The following KCNH7 variants were observed in gnomAD, a reference collection of about 807,000 sequenced individuals.
KCNH7 encodes potassium voltage-gated channel subfamily H member 7, also known as voltage-gated inwardly rectifying potassium channel KCNH7.
A neutral mutation model predicts 120.8 loss-of-function variants in KCNH7; 49 were observed. The ratio of observed to expected loss-of-function variants is 0.41; its 90% CI spans 0.32 to 0.51. The LOEUF (loss-of-function observed/expected upper bound fraction) is 0.51. Ranked by LOEUF, KCNH7 falls within the 20% of genes least tolerant of loss-of-function variation. The pLI is 0.38. For missense variants in KCNH7, 1,097 were observed against 1,446.6 expected (o/e 0.76, Z 3.92); for synonymous variants, 547 against 516.1 (o/e 1.06, Z -0.81).
intron 2 of KCNH7, among the ~76,000 whole-genome samples, chr2:162,564,827 T>C (rs1489971643): frequency 6.6e-6 from 1 of 152,192 alleles, no homozygotes. Context: ...CTATATCTTC[T>C]TCTGCATCAA....
chr2:162,786,839 C>A (rs1361188433), intron 2 of KCNH7, among the ~76,000 whole-genome samples: 1 of 152,162 alleles, frequency 6.6e-6, no homozygotes, highest in Non-Finnish European at 1.5e-5. Flanking sequence ...TCCATTTGAA[C>A]AACCATCCGC....
At chr2:162,575,262 G>A (rs189814459) in intron 2 of KCNH7, among the ~76,000 whole-genome samples, 30 of 152,170 alleles carry the variant, frequency 2.0e-4, no homozygotes, top group African/African-American at 7.2e-4. Context: ...AGATCAAGTA[G>A]AATAATTGGC....
At chr2:162,646,690 A>C (rs1460661837) in intron 2 of KCNH7, among the ~76,000 whole-genome samples, 1 of 152,210 alleles carries the variant, frequency 6.6e-6, no homozygotes, top group African/African-American at 2.4e-5. Flanking sequence ...GGACCATAAG[A>C]GAAGAAATGT....
At chr2:162,697,387 A>G (rs931282027) in intron 2 of KCNH7, among the ~76,000 whole-genome samples, 3 of 152,178 alleles carry the variant, frequency 2.0e-5, no homozygotes, top group Non-Finnish European at 2.9e-5. Flanking sequence ...AAGAAAAATA[A>G]GGGATCGAGG....
chr2:162,455,829 T>C (rs1688943079), intron 6 of KCNH7, among the ~76,000 whole-genome samples: 1 of 152,146 alleles, frequency 6.6e-6, no homozygotes, highest in Admixed American at 6.5e-5. Context: ...TCTTCTCTTT[T>C]CTTCTTTATT....
intron 3 of KCNH7, among the ~76,000 whole-genome samples, chr2:162,535,884 T>C (rs892496045): frequency 5.3e-5 from 8 of 151,822 alleles, no homozygotes; most frequent in African/African-American, 1.9e-4. Flanking sequence ...GTTTAGTGTG[T>C]AATAAAGGTG....
chr2:162,521,237 GA>G (rs1691510488), intron 3 of KCNH7, among the ~76,000 whole-genome samples: 1 of 151,906 alleles, frequency 6.6e-6, no homozygotes, highest in Admixed American at 6.6e-5. Flanking sequence ...CTGACTGAAT[GA>G]CTTGGCATGG....
intron 3 of KCNH7, among the ~76,000 whole-genome samples, chr2:162,519,751 C>T (rs2105789237): frequency 6.6e-6 from 1 of 151,936 alleles, no homozygotes; most frequent in Admixed American, 6.6e-5. Flanking sequence ...TTTACAATTA[C>T]ACACTGACCT....
intron 2 of KCNH7, among the ~76,000 whole-genome samples, chr2:162,741,820 T>C (rs147121268): frequency 6.6e-6 from 1 of 152,310 alleles, no homozygotes; most frequent in African/African-American, 2.4e-5. Context: ...CAATGTGAGA[T>C]ATACATAAGA....
At chr2:162,463,394 T>C (rs1689208452) in intron 6 of KCNH7, among the ~76,000 whole-genome samples, 1 of 151,808 alleles carries the variant, frequency 6.6e-6, no homozygotes, top group African/African-American at 2.4e-5. Flanking sequence ...AATAAAAAAG[T>C]TTTAACAGAA....
At chr2:162,650,973 T>A (rs903239061) in intron 2 of KCNH7, among the ~76,000 whole-genome samples, 2 of 152,166 alleles carry the variant, frequency 1.3e-5, no homozygotes, top group African/African-American at 2.4e-5. Context: ...CATTCAGAGA[T>A]AGCATATTGA....
chr2:162,395,767 C>T (rs1184599196), intron 11 of KCNH7, among the ~76,000 whole-genome samples: 2 of 151,684 alleles, frequency 1.3e-5, no homozygotes, highest in Non-Finnish European at 3.0e-5. Flanking sequence ...TAAATGGCAT[C>T]TAGGGGCCCT....
intron 2 of KCNH7, among the ~76,000 whole-genome samples, chr2:162,753,217 G>C (rs1297632061): frequency 6.6e-6 from 1 of 151,838 alleles, no homozygotes; most frequent in Admixed American, 6.6e-5. Flanking sequence ...GGGTAGTTTT[G>C]ATATTTATTA....
At chr2:162,800,397 G>A (rs929683420) in intron 2 of KCNH7, among the ~76,000 whole-genome samples, 1 of 151,328 alleles carries the variant, frequency 6.6e-6, no homozygotes, top group African/African-American at 2.4e-5. Flanking sequence ...CTTGTACAAC[G>A]GCAGTATTTT....
intron 2 of KCNH7, among the ~76,000 whole-genome samples, chr2:162,701,430 A>C (rs1686495061): frequency 6.6e-6 from 1 of 152,140 alleles, no homozygotes; most frequent in Non-Finnish European, 1.5e-5. Flanking sequence ...AGACACTGTC[A>C]AAAATTTATC....
intron 3 of KCNH7, among the ~76,000 whole-genome samples, chr2:162,532,557 A>G (rs1691960610): frequency 6.6e-6 from 1 of 151,976 alleles, no homozygotes; most frequent in African/African-American, 2.4e-5. Context: ...ACTATGTCAT[A>G]TCTACCTAGG....
chr2:162,796,084 G>T (rs895057020), intron 2 of KCNH7: 3 of 152,008 alleles, frequency 2.0e-5, no homozygotes, highest in Admixed American at 1.3e-4. Flanking sequence ...TTTGCATCTT[G>T]TTTAAATGAA....
intron 12 of KCNH7, 58 bp from the exon 13 acceptor site, chr2:162,384,997 G>A (rs1025495838): frequency 2.3e-5 from 32 of 1,387,210 alleles, no homozygotes; most frequent in African/African-American, 7.2e-5. Flanking sequence ...AATGTGAGAC[G>A]GTATGCATAT....
At chr2:162,826,803 G>T (rs1239248748) in intron 2 of KCNH7, among the ~76,000 whole-genome samples, 1 of 152,072 alleles carries the variant, frequency 6.6e-6, no homozygotes, top group Admixed American at 6.6e-5. Flanking sequence ...CATGGAGTGG[G>T]AAAGACAGAC....
Sources: gnomAD v4.1 joint callset for allele counts (sites outside exome capture counted in the v4.1 genomes callset) on GRCh38, gnomAD v4.1.1 for gene constraint, MANE v1.5 for transcripts, NCBI Gene and HGNC (gene_info 2026-07-23, HGNC 2026-07-21) for gene names.